LPP: variants seen among roughly 807,000 people sequenced by gnomAD.
The protein encoded by LPP is LIM domain containing preferred translocation partner in lipoma.
Under a neutral mutation model 60.4 loss-of-function variants are expected in LPP, and 38 were observed. That is an observed-to-expected ratio of 0.63 (90% CI 0.49 to 0.83). The LOEUF is 0.83. LPP is among the 40% of genes least tolerant of loss of function. LPP has a pLI of 0.00. For synonymous variants in LPP, 328 were observed against 290.8 expected, an observed-to-expected ratio of 1.13 and a Z score of -1.30; for missense variants, 902 against 783.6, an observed-to-expected ratio of 1.15 and a Z score of -1.80.
rs1244990073 is a variant in LPP at position 188,785,390 on chromosome 3, TATATATATTCCATC to T, written c.1410+25117_1410+25130del. Reference sequence around the variant, plus strand: ...CATCATATATATATATTCCATCATATATATATATTCCATCATATATATATATTCCATCATATATA... The same window carrying T: ...CATCATATATATATATTCCATCATATATATATATATATTCCATCATATATA... On this transcript the variant is annotated intron_variant, in intron 9 of 11. Transcript: ENST00000617246. 3.9e-3 allele frequency among the ~76,000 whole-genome samples: 29 copies of T among 7,350 alleles called. 7 individuals carry two copies. Among genetic ancestry groups the T allele is most frequent in the Admixed American group, 5.8e-3 (3 of 516 alleles). The allele number at this position is 7,350 out of a possible 152,430, so 4.8% of individuals were successfully genotyped here.
At chr3:188,737,505 T>G (rs1722940386) in intron 8 of LPP, among the ~76,000 whole-genome samples, 1 of 152,174 alleles carries the variant, frequency 6.6e-6, no homozygotes, top group Non-Finnish European at 1.5e-5. Flanking sequence ...CCCTTTTTTG[T>G]TGTTGTTGTT....
chr3:188,850,473 A>G (rs1045947137), intron 9 of LPP, among the ~76,000 whole-genome samples: 3 of 152,172 alleles, frequency 2.0e-5, no homozygotes, highest in South Asian at 2.1e-4. Flanking sequence ...CATTATTAAT[A>G]TATAGAAAAT....
intron 8 of LPP, among the ~76,000 whole-genome samples, chr3:188,719,952 G>A (rs747105081): frequency 4.6e-5 from 7 of 152,084 alleles, no homozygotes; most frequent in Admixed American, 2.0e-4. Flanking sequence ...TTGCTCCGTC[G>A]CCCAGGTTGG....
intron 10 of LPP, among the ~76,000 whole-genome samples, chr3:188,868,656 G>A (rs1356053633): frequency 6.6e-6 from 1 of 152,192 alleles, no homozygotes. Context: ...ATACAAAGCA[G>A]CTAAAAGTCC....
At chr3:188,508,465 A>T (rs1226597621) in intron 5 of LPP, among the ~76,000 whole-genome samples, 1 of 152,242 alleles carries the variant, frequency 6.6e-6, no homozygotes, top group East Asian at 1.9e-4. Flanking sequence ...AGAATAATGC[A>T]TTGCTATAAT....
chr3:188,166,096 G>A (rs886539134), intron 1 of LPP, among the ~76,000 whole-genome samples: 6 of 152,090 alleles, frequency 3.9e-5, no homozygotes, highest in African/African-American at 7.2e-5. Context: ...AACTGTTACC[G>A]TGAAAGTTCA....
chr3:188,828,421 A>T (rs1002680123), intron 9 of LPP, among the ~76,000 whole-genome samples: 2 of 150,832 alleles, frequency 1.3e-5, no homozygotes, highest in African/African-American at 4.9e-5. Flanking sequence ...CCTGGCCAAC[A>T]TGGTGAAACC....
chr3:188,447,129 T>A (rs1342077696), intron 4 of LPP, among the ~76,000 whole-genome samples: 1 of 152,162 alleles, frequency 6.6e-6, no homozygotes, highest in Non-Finnish European at 1.5e-5. Context: ...ATCTATGCAA[T>A]CAATTCTGGC....
At chr3:188,485,704 G>A (rs1806206483) in intron 5 of LPP, among the ~76,000 whole-genome samples, 2 of 148,986 alleles carry the variant, frequency 1.3e-5, no homozygotes, top group South Asian at 4.2e-4. Context: ...GGCTGAGGCA[G>A]GAGAATGGCG....
chr3:188,481,629 T>A (rs1000330016), intron 4 of LPP, among the ~76,000 whole-genome samples: 3 of 152,218 alleles, frequency 2.0e-5, no homozygotes, highest in African/African-American at 4.8e-5. Flanking sequence ...GACTTACTTG[T>A]TGTGACATTT....
At chr3:188,596,074 T>C (rs1176996261) in intron 6 of LPP, among the ~76,000 whole-genome samples, 1 of 152,152 alleles carries the variant, frequency 6.6e-6, no homozygotes, top group Non-Finnish European at 1.5e-5. Flanking sequence ...TTTCTTCCGA[T>C]AGACATGGAT....
intron 2 of LPP, among the ~76,000 whole-genome samples, chr3:188,266,486 A>C (rs1353301824): frequency 2.0e-5 from 3 of 150,830 alleles, no homozygotes; most frequent in Admixed American, 6.6e-5. Context: ...AGAGAGAGAG[A>C]GCGCGAGAGA....
At chr3:188,849,992 AG>A (rs1762357721) in intron 9 of LPP, among the ~76,000 whole-genome samples, 1 of 152,254 alleles carries the variant, frequency 6.6e-6, no homozygotes. Context: ...TTAAAAGATG[AG>A]GAGGTTCTGA....
chr3:188,282,311 G>T (rs1742389619), intron 2 of LPP, among the ~76,000 whole-genome samples: 1 of 151,998 alleles, frequency 6.6e-6, no homozygotes, highest in Admixed American at 6.6e-5. Context: ...ATACTTTCTG[G>T]GTCCACTGTT....
At chr3:188,173,588 A>T (rs1722227933) in intron 1 of LPP, among the ~76,000 whole-genome samples, 1 of 152,092 alleles carries the variant, frequency 6.6e-6, no homozygotes, top group South Asian at 2.1e-4. Context: ...TAAGAAAGAA[A>T]AGCCTACTAT....
At chr3:188,818,239 T>C (rs747777834) in intron 9 of LPP, among the ~76,000 whole-genome samples, 1 of 152,222 alleles carries the variant, frequency 6.6e-6, no homozygotes. Flanking sequence ...TCCTCCTTTT[T>C]TTCCCCCAGT....
chr3:188,317,464 T>C (rs1755421221), intron 2 of LPP, among the ~76,000 whole-genome samples: 1 of 152,232 alleles, frequency 6.6e-6, no homozygotes, highest in African/African-American at 2.4e-5. Flanking sequence ...TTCCCATCTC[T>C]GTGACTTTGT....
In LPP at chr3:188,843,786, C is replaced by CAAAAAAAA. The variant is rs544161994; in HGVS notation, c.1411-22409_1411-22402dup. Among the ~76,000 whole-genome samples the CAAAAAAAA allele has an allele frequency of 2.5e-4, 19 of 75,748 alleles. 2 individuals are homozygous for CAAAAAAAA. The highest frequency in any genetic ancestry group is 5.9e-4 in the African/African-American group (12 of 20,504). 49.7% of individuals were successfully genotyped at this position (75,748 alleles called of 152,430 possible). A position where few individuals can be genotyped will look rare whatever the true frequency, so the allele number is the denominator to read the frequency against. ...TGGGCGACAGAGCAAGACTCCGTCT[C>CAAAAAAAA]AAAAAAAAAAAATCCTTCCTCTGGG... On this transcript the variant is annotated intron_variant, in intron 9 of 11. Transcript: ENST00000617246.
chr3:188,585,568 G>A (rs1580179270), intron 6 of LPP, among the ~76,000 whole-genome samples: 4 of 152,298 alleles, frequency 2.6e-5, no homozygotes, highest in Admixed American at 2.6e-4. Flanking sequence ...CAGCACAGGG[G>A]ACTTGGCATT....
Sources: allele counts gnomAD v4.1 joint callset (sites outside exome capture counted in the v4.1 genomes callset), GRCh38; gene constraint gnomAD v4.1.1; transcripts MANE v1.5; gene names NCBI Gene and HGNC (gene_info 2026-07-23, HGNC 2026-07-21).